Variants in SHC2 observed in about 807,000 individuals in gnomAD.
The protein encoded by SHC2 is SHC adaptor protein 2.
SHC2 carries 62 observed loss-of-function variants against 60.6 expected under a neutral mutation model. That is an observed-to-expected ratio of 1.02 (90% confidence interval 0.83 to 1.26). The LOEUF is 1.26. Among genes scored for constraint, SHC2 ranks in the 50% most tolerant of loss-of-function variants. SHC2 has a pLI of 0.00. For missense variants in SHC2, 873 were observed against 822.2 expected, an observed-to-expected ratio of 1.06 and a Z score of -0.76; for synonymous variants, 375 against 372.4, an observed-to-expected ratio of 1.01 and a Z score of -0.08.
chr19:439,765 C>T (rs527516595), intron 2 of SHC2, among the ~76,000 whole-genome samples: 63 of 152,176 alleles, frequency 4.1e-4, no homozygotes, highest in Non-Finnish European at 8.1e-4. Flanking sequence ...GCGGCCCCCA[C>T]CTGTCATCCC....
intron 9 of SHC2, among the ~76,000 whole-genome samples, chr19:429,926 A>C (rs1208449865): frequency 6.7e-6 from 1 of 148,788 alleles, no homozygotes; most frequent in East Asian, 2.0e-4. Context: ...TGGATGACAC[A>C]GTATCTACAC....
At position 441,233 on chromosome 19, in the gene SHC2, T is replaced by C. The variant is rs1309243413; in HGVS notation, c.469-301A>G. 2 of 916,574 alleles carry C rather than the reference T, an allele frequency of 2.2e-6. No individual in the cohort carries two copies. Among genetic ancestry groups the C allele is most frequent in the Non-Finnish European group, 2.6e-6 (2 of 769,614 alleles). The allele number at this position is 916,574 out of a possible 1,614,324, so 56.8% of individuals were successfully genotyped here. Reference sequence around the variant, plus strand: ...TAACCGTCTTGCCCTCGTCGGTCTCTTTCTGTTCCACCAGCACCGAAGCCG... The same window carrying C: ...TAACCGTCTTGCCCTCGTCGGTCTCCTTCTGTTCCACCAGCACCGAAGCCG... On this transcript the variant is annotated intron_variant, in intron 1 of 12. Coordinates refer to ENST00000264554, the MANE Select transcript of SHC2 (RefSeq NM_012435.3). The surrounding 1 kb of genome is among the most constrained non-coding windows in gnomAD (Gnocchi z 4.9).
rs908363887 is a variant in SHC2, at chr19:418,847, C to T, written c.*5+76G>A. ...AGAGGGAAAGGCACGGCACGTGAACCGGGTCTCAATTTTCAAATCAGAAAA... is the reference window on the plus strand; with the variant it reads ...AGAGGGAAAGGCACGGCACGTGAACTGGGTCTCAATTTTCAAATCAGAAAA... On this transcript the variant is annotated intron_variant, in intron 12 of 12. Coordinates refer to ENST00000264554, the MANE Select transcript of SHC2 (RefSeq NM_012435.3). The T allele has an allele frequency of 2.4e-5, 35 of 1,487,300 alleles. 1 individual carries two copies. The highest frequency in any genetic ancestry group is 1.1e-4 in the South Asian group (9 of 78,268). The allele number at this position is 1,487,300 out of a possible 1,614,324, so 92.1% of individuals were successfully genotyped here.
At position 446,478 on chromosome 19, in the gene SHC2, T is replaced by G. The variant is rs1055549203; in HGVS notation, c.469-5546A>C. On this transcript the variant is annotated intron_variant, in intron 1 of 12. Transcript: ENST00000264554. The surrounding 1 kb of genome is among the most constrained non-coding windows in gnomAD (Gnocchi z 5.4). ...GGCGCCCACTACCACGCCCGGCTAA[T>G]TTTTGTATTTTTAGTAGAGACGGGG... is the stretch of plus-strand genomic sequence containing the variant. 1.3e-5 allele frequency among the ~76,000 whole-genome samples: 2 copies of G among 151,962 alleles called. No individual in the cohort carries two copies.
intron 1 of SHC2, among the ~76,000 whole-genome samples, chr19:454,407 G>A (rs1434734021): frequency 6.6e-6 from 1 of 152,198 alleles, no homozygotes; most frequent in African/African-American, 2.4e-5. Context: ...CTTTCAGCCA[G>A]GGGAGGAACT....
intron 1 of SHC2, among the ~76,000 whole-genome samples, chr19:451,009 A>G: frequency 6.9e-6 from 1 of 145,386 alleles, no homozygotes; most frequent in African/African-American, 2.6e-5. Context: ...GCTGTGCCGT[A>G]TTTCAGCGTG....
intron 1 of SHC2, among the ~76,000 whole-genome samples, chr19:447,639 A>G (rs930716007): frequency 2.0e-5 from 3 of 152,110 alleles, no homozygotes; most frequent in Non-Finnish European, 2.9e-5. Flanking sequence ...TTAGCTGGGC[A>G]TGTTGGCTTA....
intron 1 of SHC2, among the ~76,000 whole-genome samples, chr19:450,491 A>T (rs935386443): frequency 1.3e-5 from 2 of 151,152 alleles, no homozygotes; most frequent in Non-Finnish European, 2.9e-5. Flanking sequence ...GACCCCACAA[A>T]ACACTTACTC....
intron 1 of SHC2, among the ~76,000 whole-genome samples, chr19:443,135 T>A (rs1246370652): frequency 7.3e-6 from 1 of 136,296 alleles, no homozygotes; most frequent in Non-Finnish European, 1.6e-5. Context: ...GACAGATGGG[T>A]AGATGGGTGG....
Position 425,278 on chromosome 19 carries a change from G to A in SHC2, c.1175-47C>T. 1.5e-6 allele frequency: 2 copies of A among 1,299,764 alleles called. No homozygotes were observed. The highest frequency in any genetic ancestry group is 2.0e-6 in the Non-Finnish European group (2 of 1,016,150). The allele number at this position is 1,299,764 out of a possible 1,614,324, so 80.5% of individuals were successfully genotyped here. A position where few individuals can be genotyped will look rare whatever the true frequency, so the allele number is the denominator to read the frequency against. On this transcript the variant is annotated intron_variant, in intron 9 of 12. Transcript: ENST00000264554. This position sits in a 1 kb window ranked among gnomAD's most constrained non-coding sequence, Gnocchi z 4.1. ...AGGGGGTCAGCTGGGAGCCAGGCGA[G>A]GGGCTCGCAGGGAGCAAGGCGGGGT...
At chr19:455,618 T>A (rs1975325501) in intron 1 of SHC2, among the ~76,000 whole-genome samples, 1 of 152,220 alleles carries the variant, frequency 6.6e-6, no homozygotes, top group South Asian at 2.1e-4. Flanking sequence ...CCACTCCCTC[T>A]TGCTGCTATC....
chr19:427,691 A>G (rs1301238782), intron 9 of SHC2, among the ~76,000 whole-genome samples: 2 of 85,880 alleles, frequency 2.3e-5, no homozygotes, highest in African/African-American at 1.0e-4. Context: ...GGGGAACTGC[A>G]CACGGCGCAG....
Position 424,431 on chromosome 19 carries a change from G to A in SHC2, c.1309+666C>T, listed in dbSNP as rs1458085130. Among the ~76,000 whole-genome samples the A allele has an allele frequency of 6.6e-6, 1 of 152,050 alleles. No homozygotes were observed. Among genetic ancestry groups the A allele is most frequent in the Non-Finnish European group, 1.5e-5 (1 of 68,018 alleles). The stretch of plus-strand genomic sequence containing the variant: ...CTCAGACCCCGGAGTCACGTGAAGA[G>A]AAAACTCATCAGACTAGGGAGACCC... On this transcript the variant is annotated intron_variant, in intron 10 of 12. Transcript: ENST00000264554. This position sits in a 1 kb window ranked among gnomAD's most constrained non-coding sequence, Gnocchi z 4.5.
intron 1 of SHC2, among the ~76,000 whole-genome samples, chr19:457,197 CTCTG>C (rs1413693109): frequency 7.5e-6 from 1 of 132,704 alleles, no homozygotes. Flanking sequence ...CCGACTAGAA[CTCTG>C]TCTGCAAACC....
rs372531520 is a variant in SHC2 at position 438,677 on chromosome 19, T to C, written c.720+41A>G. The C allele has an allele frequency of 2.4e-4, 365 of 1,544,924 alleles. No individual in the cohort carries two copies. Among genetic ancestry groups the C allele is most frequent in the Admixed American group, 1.6e-3 (84 of 50,910 alleles). ...TTTGCCTCCTAGGACTCCTGGCCCC[T>C]CTGGGGGTCTGGGGACGCCAGGCGA... On this transcript the variant is annotated intron_variant, in intron 4 of 12. Transcript: ENST00000264554. The surrounding 1 kb of genome is among the most constrained non-coding windows in gnomAD (Gnocchi z 5.0).
In SHC2 at chr19:422,339, G is replaced by A; in HGVS notation, c.1427C>T (p.Ala476Val). ...CTGACGCAGCTGTTCCTCCGTGGGG[G>A]CCACAGGGGCCCGGCGGGTAGGGGG... ...PSPPTRRAPV[A>V]PTEEQLRQEP... The change falls in exon 11 of 13, where the codon GCC becomes GTC. Residue 476 changes from alanine to valine, a missense_variant. Transcript: ENST00000264554. The surrounding 1 kb of genome is among the most constrained non-coding windows in gnomAD (Gnocchi z 5.0). The A allele has an allele frequency of 6.2e-7, 1 of 1,609,306 alleles. No individual in the cohort carries two copies. The highest frequency in any genetic ancestry group is 1.1e-5 in the South Asian group (1 of 90,320).
At chr19:455,219 A>G (rs893983851) in intron 1 of SHC2, among the ~76,000 whole-genome samples, 28 of 152,176 alleles carry the variant, frequency 1.8e-4, no homozygotes, top group Admixed American at 4.6e-4. Flanking sequence ...TTCTTCTCGC[A>G]GGAGACAATC....
Position 427,614 on chromosome 19 carries a change from TGC to T in SHC2, c.1175-2385_1175-2384del, listed in dbSNP as rs1385672589. ...TGCACACGGCGCAGGGAAGGGGAAT[TGC>T]GCACGGCACAGGTAAGGGGACAGGG... On this transcript the variant is annotated intron_variant, in intron 9 of 12. Coordinates refer to ENST00000264554, the MANE Select transcript of SHC2 (RefSeq NM_012435.3). Among the ~76,000 whole-genome samples, 7 of 75,542 alleles carry T rather than the reference TGC, an allele frequency of 9.3e-5. No individual in the cohort carries two copies. In the East Asian group the frequency reaches 2.0e-3, roughly 22 times the overall value. 49.6% of individuals were successfully genotyped at this position (75,542 alleles called of 152,430 possible). A position where few individuals can be genotyped will look rare whatever the true frequency, so the allele number is the denominator to read the frequency against.
chr19:456,515 A>G (rs1221770702), intron 1 of SHC2, among the ~76,000 whole-genome samples: 1 of 151,590 alleles, frequency 6.6e-6, no homozygotes, highest in Non-Finnish European at 1.5e-5. Context: ...ACACTTCCAC[A>G]CGGCCCCTGG....
Sources: gnomAD v4.1 joint callset for allele counts (sites outside exome capture counted in the v4.1 genomes callset) on GRCh38, gnomAD v4.1.1 for gene constraint, Gnocchi (gnomAD v3.1) non-coding constraint, MANE v1.5 for transcripts, NCBI Gene and HGNC (gene_info 2026-07-23, HGNC 2026-07-21) for gene names.